CRY1: variants seen among roughly 807,000 people sequenced by gnomAD.
CRY1 encodes cryptochrome circadian regulator 1, also known as cryptochrome-1.
CRY1 carries 45 observed loss-of-function variants against 76.0 expected under a neutral mutation model. The ratio of observed to expected loss-of-function variants is 0.59; its 90% CI spans 0.47 to 0.76. The LOEUF is 0.76. Among genes scored for constraint, CRY1 ranks in the 30% least tolerant of loss-of-function variants. The pLI, the probability that CRY1 is intolerant of heterozygous loss-of-function variation, is 0.00. For synonymous variants in CRY1, 248 were observed against 244.0 expected (o/e 1.02, Z -0.15); for missense variants, 587 against 716.4 (o/e 0.82, Z 2.06).
At chr12:107,033,772 A>G (rs1952704228) in intron 1 of CRY1, among the ~76,000 whole-genome samples, 1 of 151,238 alleles carries the variant, frequency 6.6e-6, no homozygotes, top group Admixed American at 6.6e-5. Flanking sequence ...GGAAAACAGC[A>G]TATGTAATAG....
Position 107,021,878 on chromosome 12 carries a change from T to C in CRY1, c.267+206A>G, listed in dbSNP as rs7952813. 4.9e-3 allele frequency among the ~76,000 whole-genome samples: 750 copies of C among 152,294 alleles called. 4 individuals are homozygous for C. The highest frequency in any genetic ancestry group is 0.017 in the African/African-American group (709 of 41,576). On this transcript the variant is annotated intron_variant, in intron 2 of 12. Coordinates refer to ENST00000008527, the MANE Select transcript of CRY1 (RefSeq NM_004075.5). ...CGAGCAGTTTAAGGTAGAAGAAAGA[T>C]TGAACTTTTCATTGTAAACTATTTT...
intron 1 of CRY1, among the ~76,000 whole-genome samples, chr12:107,050,711 C>G (rs1490345467): frequency 6.6e-6 from 1 of 152,090 alleles, no homozygotes; most frequent in Non-Finnish European, 1.5e-5. Context: ...ACAGAAATAA[C>G]ACAAAAAGGA....
intron 1 of CRY1, among the ~76,000 whole-genome samples, chr12:107,059,739 T>C (rs1321131738): frequency 6.6e-6 from 1 of 152,188 alleles, no homozygotes; most frequent in Non-Finnish European, 1.5e-5. Context: ...CTCAGAATTA[T>C]ACCAAACAAC....
chr12:107,003,736 T>C (rs114339012), intron 3 of CRY1, among the ~76,000 whole-genome samples: 5 of 152,290 alleles, frequency 3.3e-5, no homozygotes, highest in Admixed American at 2.0e-4. Flanking sequence ...ACAAAACATT[T>C]TCTATATGTT....
At chr12:107,011,894 A>G (rs1164871601) in intron 2 of CRY1, among the ~76,000 whole-genome samples, 2 of 152,220 alleles carry the variant, frequency 1.3e-5, no homozygotes, top group Non-Finnish European at 1.5e-5. Flanking sequence ...AGCTAGACAG[A>G]AAAAGTCAAT....
At chr12:107,054,635 G>A (rs1305563182) in intron 1 of CRY1, among the ~76,000 whole-genome samples, 2 of 141,948 alleles carry the variant, frequency 1.4e-5, no homozygotes, top group Non-Finnish European at 3.1e-5. Flanking sequence ...ACATCTAAAA[G>A]ACTCCAGAAA....
intron 2 of CRY1, among the ~76,000 whole-genome samples, chr12:107,010,525 C>G (rs144816245): frequency 6.1e-4 from 93 of 152,284 alleles, no homozygotes; most frequent in African/African-American, 1.7e-3. Flanking sequence ...CATGTGCTCA[C>G]CTCGTGTCTC....
chr12:107,027,110 G>A (rs1003040754), intron 1 of CRY1, among the ~76,000 whole-genome samples: 4 of 152,044 alleles, frequency 2.6e-5, no homozygotes, highest in Non-Finnish European at 5.9e-5. Flanking sequence ...AATGCTGAAC[G>A]AATAATGTTA....
At chr12:107,036,357 C>T (rs1193660441) in intron 1 of CRY1, among the ~76,000 whole-genome samples, 2 of 152,316 alleles carry the variant, frequency 1.3e-5, no homozygotes, top group East Asian at 3.9e-4. Flanking sequence ...GTTCAAAATA[C>T]ATCCAGAATC....
chr12:107,009,667 G>A (rs1332039382), intron 2 of CRY1, among the ~76,000 whole-genome samples: 1 of 147,494 alleles, frequency 6.8e-6, no homozygotes. Context: ...CCAGCACTTT[G>A]GGAAGTCAAC....
At chr12:107,001,642 C>T (rs1952312799) in intron 4 of CRY1, 122 bp downstream of exon 4, 2 of 859,006 alleles carry the variant, frequency 2.3e-6, no homozygotes, top group Non-Finnish European at 3.5e-6. Flanking sequence ...TTCTTCTCCC[C>T]CTGCCCTTTC....
At chr12:107,010,409 T>C (rs1238387095) in intron 2 of CRY1, among the ~76,000 whole-genome samples, 2 of 152,206 alleles carry the variant, frequency 1.3e-5, no homozygotes, top group African/African-American at 4.8e-5. Flanking sequence ...CTCATTTTAT[T>C]GTGCTTTGCT....
At chr12:107,069,613 A>AAGTATATATATAT (rs1225916127) in intron 1 of CRY1, among the ~76,000 whole-genome samples, 3 of 75,324 alleles carry the variant, frequency 4.0e-5, no homozygotes, top group African/African-American at 1.3e-4. Context: ...TATATATATA[A>AAGTATATATATAT]AAAGTATATA....
chr12:107,013,697 G>A (rs1056136209), intron 2 of CRY1, among the ~76,000 whole-genome samples: 1 of 152,100 alleles, frequency 6.6e-6, no homozygotes, highest in African/African-American at 2.4e-5. Flanking sequence ...GGCCACGTGT[G>A]GCTTCTGAGC....
intron 1 of CRY1, among the ~76,000 whole-genome samples, chr12:107,085,864 T>C (rs572620124): frequency 6.6e-6 from 1 of 151,930 alleles, no homozygotes; most frequent in Non-Finnish European, 1.5e-5. Context: ...TACAAGAGCT[T>C]AGAGAACTCA....
chr12:107,018,413 C>G (rs925101070), intron 2 of CRY1, among the ~76,000 whole-genome samples: 4 of 152,016 alleles, frequency 2.6e-5, no homozygotes, highest in East Asian at 3.9e-4. Context: ...TTGGCGAAAC[C>G]CTTTCTCTGC....
intron 1 of CRY1, among the ~76,000 whole-genome samples, chr12:107,032,109 T>G (rs927880746): frequency 1.3e-5 from 2 of 151,384 alleles, no homozygotes; most frequent in African/African-American, 2.4e-5. Flanking sequence ...TAATTTTGTA[T>G]TTTTAGTAGA....
Position 107,083,603 on chromosome 12 carries a change from T to A in CRY1, c.158+9201A>T, listed in dbSNP as rs1403371511. 2.0e-5 allele frequency among the ~76,000 whole-genome samples: 3 copies of A among 152,172 alleles called. No homozygotes were observed. In the East Asian group the frequency reaches 5.8e-4, roughly 29 times the overall value. On this transcript the variant is annotated intron_variant, in intron 1 of 12. Transcript: ENST00000008527. ...CAATGACAAAAACCACACAATTATC[T>A]CAATAGATGCAGAAAAGGCCTTGGA...
intron 1 of CRY1, among the ~76,000 whole-genome samples, chr12:107,060,705 T>C (rs1415101397): frequency 6.6e-6 from 1 of 152,226 alleles, no homozygotes; most frequent in African/African-American, 2.4e-5. Flanking sequence ...TTTAAAAAAA[T>C]TTGGGCCGGG....
Sources: allele counts gnomAD v4.1 joint callset (sites outside exome capture counted in the v4.1 genomes callset), GRCh38; gene constraint gnomAD v4.1.1; transcripts MANE v1.5; gene names NCBI Gene and HGNC (gene_info 2026-07-23, HGNC 2026-07-21).